SWAP70: variants seen among roughly 807,000 people sequenced by gnomAD.
SWAP70 encodes the protein switch-associated protein 70.
In SWAP70, 34 loss-of-function variants were observed where a neutral mutation model predicts 80.2. That is an observed-to-expected ratio of 0.42 (90% CI 0.32 to 0.56). The LOEUF (loss-of-function observed/expected upper bound fraction) is 0.56, where lower values mean the gene tolerates loss of function less well. SWAP70 is among the 20% of genes least tolerant of loss of function. SWAP70 has a pLI of 0.09. For synonymous variants in SWAP70, 239 were observed against 238.5 expected, an observed-to-expected ratio of 1.00 and a Z score of -0.02; for missense variants, 578 against 690.7, an observed-to-expected ratio of 0.84 and a Z score of 1.83.
At chr11:9,725,557 ATATATATATATATTTTTT>A (rs1169951516) in intron 4 of SWAP70, among the ~76,000 whole-genome samples, 6 of 10,282 alleles carry the variant, frequency 5.8e-4, no homozygotes, top group East Asian at 1.6e-3. Flanking sequence ...ATATATATAT[ATATATATATATATTTTTT>A]TTTTTTTTTT....
rs1412752566 is a variant in SWAP70, at chr11:9,747,722, C to T, written c.1356-136C>T. Reference sequence around the variant, plus strand: ...TTGTGAATATGAGCTTCTCTGGCTCCTGCTTTCCTCCTGGTGGAATGAAAG... The same window carrying T: ...TTGTGAATATGAGCTTCTCTGGCTCTTGCTTTCCTCCTGGTGGAATGAAAG... On this transcript the variant is annotated intron_variant, in intron 9 of 11. Coordinates refer to ENST00000318950, the MANE Select transcript of SWAP70 (RefSeq NM_015055.4). 8.5e-6 allele frequency: 7 copies of T among 819,088 alleles called. No homozygotes were observed. In the East Asian group the frequency reaches 1.5e-4, roughly 17 times the overall value. The allele number at this position is 819,088 out of a possible 1,614,324, so 50.7% of individuals were successfully genotyped here.
rs1851246904 is a variant in SWAP70, at chr11:9,727,964, A to G, written c.643-89A>G. On this transcript the variant is annotated intron_variant, in intron 4 of 11. Coordinates refer to ENST00000318950, the MANE Select transcript of SWAP70 (RefSeq NM_015055.4). The stretch of plus-strand genomic sequence containing the variant: ...TCATGTTTTCAGGATCATATATCAA[A>G]TAATGGAGTAGGCAAGTATATCAAG... 8 of 1,257,164 alleles carry G rather than the reference A, an allele frequency of 6.4e-6. No homozygotes were observed. In the South Asian group the frequency reaches 1.3e-4, roughly 20 times the overall value. 77.9% of individuals were successfully genotyped at this position (1,257,164 alleles called of 1,614,324 possible).
chr11:9,722,141 A>G (rs1851146313), intron 3 of SWAP70, among the ~76,000 whole-genome samples: 1 of 152,222 alleles, frequency 6.6e-6, no homozygotes, highest in Admixed American at 6.5e-5. Context: ...CTACTATGTG[A>G]TGGGCATTGT....
chr11:9,704,747 C>T (rs2645018), intron 2 of SWAP70, among the ~76,000 whole-genome samples: 15,494 of 152,140 alleles, frequency 0.1, 1,516 homozygotes, highest in African/African-American at 0.25. Flanking sequence ...GTTAGTCTGT[C>T]TTCCTCCTCG....
In SWAP70 at chr11:9,747,842, T is replaced by C; in HGVS notation, c.1356-16T>C. On this transcript the variant is annotated splice_polypyrimidine_tract_variant and intron_variant, in intron 9 of 11. Transcript: ENST00000318950. The stretch of plus-strand genomic sequence containing the variant: ...CCTGGGCAGGATTTGATCTGGAGCT[T>C]TCCTCCACATTGTAGGTTGTTGGAG... The C allele has an allele frequency of 1.2e-6, 2 of 1,613,324 alleles. No homozygotes were observed. The highest frequency in any genetic ancestry group is 2.2e-5 in the South Asian group (2 of 91,058).
At chr11:9,701,691 C>CTTTTTTTTT (rs1163108695) in intron 2 of SWAP70, among the ~76,000 whole-genome samples, 7 of 68,524 alleles carry the variant, frequency 1.0e-4, no homozygotes, top group Admixed American at 2.0e-4. Flanking sequence ...TTTGTGGGCT[C>CTTTTTTTTT]TTTTTTTTTT....
chr11:9,687,939 C>T (rs1287739395), intron 1 of SWAP70, among the ~76,000 whole-genome samples: 2 of 152,106 alleles, frequency 1.3e-5, no homozygotes, highest in Admixed American at 1.3e-4. Context: ...TTATGAATGA[C>T]CCAATCTTGA....
rs185627332 is a variant in SWAP70, at chr11:9,706,583, G to A, written c.241-6883G>A. Among the ~76,000 whole-genome samples, 10 of 152,052 alleles carry A rather than the reference G, an allele frequency of 6.6e-5. No homozygotes were observed. In the East Asian group the frequency reaches 1.4e-3, roughly 21 times the overall value. ...TTTTGTCATTTCCCTGCCTCCTCCCGAGAGGAAGCCACCATCCTGAATTTT... is the reference window on the plus strand; with the variant it reads ...TTTTGTCATTTCCCTGCCTCCTCCCAAGAGGAAGCCACCATCCTGAATTTT... On this transcript the variant is annotated intron_variant, in intron 2 of 11. Transcript: ENST00000318950.
At position 9,708,457 on chromosome 11, in the gene SWAP70, C is replaced by T. The variant is rs75884250; in HGVS notation, c.241-5009C>T. 7.0e-4 allele frequency among the ~76,000 whole-genome samples: 107 copies of T among 152,240 alleles called. No individual in the cohort carries two copies. In the East Asian group the frequency reaches 0.015, roughly 22 times the overall value. ...TCGTATATATTATTTGGAGACATGTCGAATAATTCCTTTGCCCATTTTAAA... is the reference window on the plus strand; with the variant it reads ...TCGTATATATTATTTGGAGACATGTTGAATAATTCCTTTGCCCATTTTAAA... On this transcript the variant is annotated intron_variant, in intron 2 of 11. Coordinates refer to ENST00000318950, the MANE Select transcript of SWAP70 (RefSeq NM_015055.4).
At chr11:9,740,054 G>C (rs969194242) in intron 8 of SWAP70, 127 bp from the exon 9 acceptor site, 1 of 741,350 alleles carries the variant, frequency 1.3e-6, no homozygotes, top group African/African-American at 1.8e-5. Context: ...TTCAAGGATT[G>C]AAGGACAGGG....
chr11:9,717,476 A>G (rs1483418645), intron 3 of SWAP70, among the ~76,000 whole-genome samples: 1 of 152,128 alleles, frequency 6.6e-6, no homozygotes, highest in African/African-American at 2.4e-5. Context: ...TCTACAAAAA[A>G]ATACAAAAAT....
chr11:9,739,002 C>A (rs1851400821), intron 8 of SWAP70, among the ~76,000 whole-genome samples: 1 of 152,150 alleles, frequency 6.6e-6, no homozygotes, highest in Non-Finnish European at 1.5e-5. Flanking sequence ...CAAAACAGTT[C>A]TGATTTGGAA....
intron 1 of SWAP70, among the ~76,000 whole-genome samples, chr11:9,679,391 G>A (rs533738748): frequency 6.6e-6 from 1 of 152,314 alleles, no homozygotes; most frequent in Non-Finnish European, 1.5e-5. Flanking sequence ...GTCAGCCTTG[G>A]CAGGCAGCAC....
intron 1 of SWAP70, among the ~76,000 whole-genome samples, chr11:9,675,373 GAGAGAGAGAGA>G (rs1565111721): frequency 1.1e-4 from 6 of 56,586 alleles, no homozygotes; most frequent in African/African-American, 2.0e-4. Flanking sequence ...GAGAGAGAGA[GAGAGAGAGAGA>G]GAGAGAGAGA....
At chr11:9,688,826 G>A (rs756294614) in intron 1 of SWAP70, among the ~76,000 whole-genome samples, 25 of 152,126 alleles carry the variant, frequency 1.6e-4, no homozygotes, top group Non-Finnish European at 2.9e-4. Flanking sequence ...ATGAAAAGAT[G>A]TTTGGAAGGG....
intron 1 of SWAP70, among the ~76,000 whole-genome samples, chr11:9,666,878 C>T (rs1188843714): frequency 1.3e-5 from 2 of 151,924 alleles, no homozygotes; most frequent in Non-Finnish European, 2.9e-5. Flanking sequence ...ACACGTGCCA[C>T]CAAGCCTGGC....
intron 7 of SWAP70, among the ~76,000 whole-genome samples, chr11:9,737,520 GA>G (rs547908183): frequency 3.7e-4 from 56 of 152,290 alleles, no homozygotes; most frequent in African/African-American, 1.3e-3. Context: ...CACCCTTCTA[GA>G]AATTGGTTCT....
intron 4 of SWAP70, among the ~76,000 whole-genome samples, chr11:9,725,239 A>G (rs1421969289): frequency 1.3e-5 from 2 of 151,786 alleles, no homozygotes; most frequent in African/African-American, 4.8e-5. Context: ...CGGCCTCCCA[A>G]AGTGCTGGGA....
chr11:9,716,678 G>A (rs1248113728), intron 3 of SWAP70, among the ~76,000 whole-genome samples: 1 of 152,174 alleles, frequency 6.6e-6, no homozygotes, highest in Non-Finnish European at 1.5e-5. Flanking sequence ...ACAAATCTGG[G>A]ACATATTGCA....
Sources: gnomAD v4.1 joint callset for allele counts (sites outside exome capture counted in the v4.1 genomes callset) on GRCh38, gnomAD v4.1.1 for gene constraint, MANE v1.5 for transcripts, NCBI Gene and HGNC (gene_info 2026-07-23, HGNC 2026-07-21) for gene names.